Variants in LRRC4C observed in about 807,000 individuals in gnomAD.
LRRC4C encodes leucine rich repeat containing 4C.
In LRRC4C, 5 loss-of-function variants were observed where a neutral mutation model predicts 33.6. The observed-to-expected ratio is 0.15, with a 90% confidence interval of 0.08 to 0.31. The LOEUF is 0.31. Ranked by LOEUF, LRRC4C falls within the 10% of genes least tolerant of loss-of-function variation. The pLI is 1.00. For missense variants in LRRC4C, 560 were observed against 796.7 expected, an observed-to-expected ratio of 0.70 and a Z score of 3.58; for synonymous variants, 329 against 302.0, an observed-to-expected ratio of 1.09 and a Z score of -0.93.
At chr11:40,571,490 C>T (rs573141176) in intron 3 of LRRC4C, among the ~76,000 whole-genome samples, 68 of 152,070 alleles carry the variant, frequency 4.5e-4, no homozygotes, top group Non-Finnish European at 7.9e-4. Context: ...TATAGCTGGA[C>T]AAGATAAGGC....
chr11:40,562,705 A>G (rs1177232747), intron 3 of LRRC4C, among the ~76,000 whole-genome samples: 1 of 152,188 alleles, frequency 6.6e-6, no homozygotes, highest in Non-Finnish European at 1.5e-5. Context: ...ACCTGCCCCC[A>G]GCTGCTGCAA....
At chr11:40,800,182 G>T (rs1950985932) in intron 2 of LRRC4C, among the ~76,000 whole-genome samples, 1 of 152,156 alleles carries the variant, frequency 6.6e-6, no homozygotes, top group African/African-American at 2.4e-5. Context: ...CCCACTGATT[G>T]TGAGGGTGTC....
intron 3 of LRRC4C, among the ~76,000 whole-genome samples, chr11:40,583,908 G>A (rs1417538196): frequency 1.3e-5 from 2 of 151,594 alleles, no homozygotes; most frequent in African/African-American, 4.8e-5. Flanking sequence ...GAATGACAAT[G>A]ACATAGACAT....
intron 1 of LRRC4C, among the ~76,000 whole-genome samples, chr11:41,281,065 TCTCTCTCTCTGTC>T (rs1949650534): frequency 7.3e-6 from 1 of 136,454 alleles, no homozygotes; most frequent in African/African-American, 2.8e-5. Flanking sequence ...TCTCTCTCTC[TCTCTCTCTCTGTC>T]CTCTCTCTCT....
At chr11:40,904,075 A>T (rs543646730) in intron 2 of LRRC4C, among the ~76,000 whole-genome samples, 1 of 152,302 alleles carries the variant, frequency 6.6e-6, no homozygotes, top group South Asian at 2.1e-4. Flanking sequence ...GTCAGAATCA[A>T]ATTTCATCCA....
At chr11:40,211,404 CTT>C (rs1266239972) in intron 5 of LRRC4C, among the ~76,000 whole-genome samples, 3 of 151,998 alleles carry the variant, frequency 2.0e-5, no homozygotes, top group Non-Finnish European at 4.4e-5. Flanking sequence ...TTTAAAAAAA[CTT>C]GAATAAAACT....
intron 3 of LRRC4C, among the ~76,000 whole-genome samples, chr11:40,477,509 A>G (rs1953299312): frequency 6.6e-6 from 1 of 151,766 alleles, no homozygotes; most frequent in African/African-American, 2.4e-5. Flanking sequence ...TAATACGATT[A>G]TTTTCATTGT....
At chr11:40,829,166 G>T (rs747580827) in intron 2 of LRRC4C, among the ~76,000 whole-genome samples, 4 of 151,896 alleles carry the variant, frequency 2.6e-5, no homozygotes, top group South Asian at 2.1e-4. Context: ...GATGCAGATA[G>T]CTTTTCAATG....
intron 3 of LRRC4C, among the ~76,000 whole-genome samples, chr11:40,516,603 T>C (rs938320966): frequency 6.6e-6 from 1 of 152,074 alleles, no homozygotes; most frequent in African/African-American, 2.4e-5. Context: ...CTAGGGAATA[T>C]TTCCTTTTTA....
At chr11:40,671,716 G>A (rs1396153736) in intron 2 of LRRC4C, among the ~76,000 whole-genome samples, 3 of 141,674 alleles carry the variant, frequency 2.1e-5, no homozygotes, top group Non-Finnish European at 3.1e-5. Context: ...AGTAATATAT[G>A]TAAATAGTAA....
intron 3 of LRRC4C, among the ~76,000 whole-genome samples, chr11:40,472,829 T>C (rs1381883482): frequency 6.6e-6 from 1 of 152,022 alleles, no homozygotes; most frequent in African/African-American, 2.4e-5. Flanking sequence ...TATAAACACC[T>C]CTACACAAAT....
chr11:40,941,966 CA>C (rs1958169673), intron 1 of LRRC4C, among the ~76,000 whole-genome samples: 2 of 152,158 alleles, frequency 1.3e-5, no homozygotes, highest in South Asian at 4.2e-4. Flanking sequence ...CAGGGTTAGA[CA>C]CACAATAAAT....
chr11:40,266,854 C>T (rs1423717230), intron 4 of LRRC4C, among the ~76,000 whole-genome samples: 2 of 152,216 alleles, frequency 1.3e-5, no homozygotes, highest in East Asian at 1.9e-4. Flanking sequence ...TATTCATGTT[C>T]GTTTCATTGC....
At chr11:40,503,600 C>T (rs1011345918) in intron 3 of LRRC4C, among the ~76,000 whole-genome samples, 27 of 152,164 alleles carry the variant, frequency 1.8e-4, no homozygotes, top group African/African-American at 6.5e-4. Context: ...CTTCTTAACT[C>T]GCTATCACAA....
At chr11:41,137,047 A>G (rs1302571555) in intron 1 of LRRC4C, among the ~76,000 whole-genome samples, 1 of 152,126 alleles carries the variant, frequency 6.6e-6, no homozygotes. Flanking sequence ...CAGGAGTTAC[A>G]GACCAGCCTG....
intron 3 of LRRC4C, among the ~76,000 whole-genome samples, chr11:40,583,287 C>A (rs7102938): frequency 2.0e-5 from 3 of 152,002 alleles, no homozygotes; most frequent in African/African-American, 7.2e-5. Context: ...TTCACTTTTC[C>A]CCCTCTGCTC....
chr11:41,081,470 T>C (rs1385080273), intron 1 of LRRC4C, among the ~76,000 whole-genome samples: 3 of 152,172 alleles, frequency 2.0e-5, no homozygotes, highest in Admixed American at 6.5e-5. Context: ...ACTTGCTGGC[T>C]TCAAAAGGTA....
intron 2 of LRRC4C, among the ~76,000 whole-genome samples, chr11:40,772,644 A>G (rs1949806483): frequency 6.6e-6 from 1 of 152,224 alleles, no homozygotes; most frequent in Admixed American, 6.5e-5. Flanking sequence ...TCAAAACTAC[A>G]TTGAGATATC....
chr11:40,234,941 A>C (rs1434583097), intron 5 of LRRC4C, among the ~76,000 whole-genome samples: 1 of 152,184 alleles, frequency 6.6e-6, no homozygotes, highest in African/African-American at 2.4e-5. Context: ...GTTTCTCCCC[A>C]TTGAGAACCA....
Sources: gnomAD v4.1 joint callset for allele counts (sites outside exome capture counted in the v4.1 genomes callset) on GRCh38, gnomAD v4.1.1 for gene constraint, MANE v1.5 for transcripts, NCBI Gene and HGNC (gene_info 2026-07-23, HGNC 2026-07-21) for gene names.